ZNF607: variants seen among roughly 807,000 people sequenced by gnomAD.
ZNF607 encodes zinc finger protein 607.
A neutral mutation model predicts 12.8 loss-of-function variants in ZNF607; 5 were observed. The observed-to-expected ratio is 0.39, with a 90% confidence interval of 0.20 to 0.82. The LOEUF (loss-of-function observed/expected upper bound fraction) is 0.82. Among genes scored for constraint, ZNF607 ranks in the 40% least tolerant of loss-of-function variants. ZNF607 has a pLI of 0.39. For missense variants in ZNF607, 851 were observed against 859.2 expected (o/e 0.99, Z 0.12); for synonymous variants, 287 against 276.2 (o/e 1.04, Z -0.39).
intron 1 of ZNF607, among the ~76,000 whole-genome samples, chr19:37,717,774 C>G (rs937162244): frequency 7.0e-6 from 1 of 142,960 alleles, no homozygotes; most frequent in African/African-American, 2.6e-5. Context: ...CCATTGCACT[C>G]CAGCCTGGGC....
In ZNF607 at chr19:37,716,531, C is replaced by T. The variant is rs530412552; in HGVS notation, c.-75+2738G>A. On this transcript the variant is annotated intron_variant, in intron 1 of 4. Coordinates refer to ENST00000355202, the MANE Select transcript of ZNF607 (RefSeq NM_032689.5). ...TGTCTCATCATACTGGTTTTATATC[C>T]ATGGTTGGGTTAGATTCCTTTTTCT... is the stretch of plus-strand genomic sequence containing the variant. Among the ~76,000 whole-genome samples, 18 of 152,252 alleles carry T rather than the reference C, an allele frequency of 1.2e-4. No individual in the cohort carries two copies. In the South Asian group the frequency reaches 2.3e-3, roughly 19 times the overall value.
At chr19:37,700,931 T>C (rs1307105096) in intron 4 of ZNF607, among the ~76,000 whole-genome samples, 3 of 152,126 alleles carry the variant, frequency 2.0e-5, no homozygotes, top group South Asian at 4.1e-4. Flanking sequence ...AGAGTATATA[T>C]ACATATTTTG....
In ZNF607 at chr19:37,696,499, C is replaced by T; in HGVS notation, c.*1541G>A. On this transcript the variant is annotated 3_prime_UTR_variant, in exon 5 of 5. Transcript: ENST00000355202. ...TCTGAAGTGATTTTACCTTTACTTC[C>T]TTCACTTTAAGCCAATCATGAAATT... 1.3e-5 allele frequency: 5 copies of T among 374,200 alleles called. No individual in the cohort carries two copies. The highest frequency in any genetic ancestry group is 7.8e-4 in the Middle Eastern group (1 of 1,284). 23.2% of individuals were successfully genotyped at this position (374,200 alleles called of 1,614,324 possible).
In ZNF607 at chr19:37,697,723, T is replaced by A. The variant is rs2044988776; in HGVS notation, c.*317A>T. ...TTACATGCAAGTATAAAGAATGGTT[T>A]CCTACGTTTTCTCAGTTTTCCTCTA... On this transcript the variant is annotated 3_prime_UTR_variant, in exon 5 of 5. Transcript: ENST00000355202. 1 of 309,322 alleles carries A rather than the reference T, an allele frequency of 3.2e-6. No individual in the cohort carries two copies. Among genetic ancestry groups the A allele is most frequent in the Admixed American group, 4.6e-5 (1 of 21,770 alleles). The allele number at this position is 309,322 out of a possible 1,614,324, so 19.2% of individuals were successfully genotyped here.
In ZNF607 at chr19:37,699,672, A is replaced by G. The variant is rs1343419634; in HGVS notation, c.459T>C (p.His153=). The change falls in exon 5 of 5, where the codon CAT becomes CAC. Residue 153 remains histidine, a synonymous_variant. Transcript: ENST00000355202. ...TCTGATGCTTTCTAAGGTCTGTAAG[A>G]TGGCTAAATGCCTTCCTAAACTTTT... ...QCEKFRKAFS[H]LTDLRKHQKI... is the part of the protein sequence containing the mutation. 2 of 1,614,114 alleles carry G rather than the reference A, an allele frequency of 1.2e-6. No homozygotes were observed. Among genetic ancestry groups the G allele is most frequent in the Non-Finnish European group, 1.7e-6 (2 of 1,180,004 alleles).
chr19:37,698,250 G>C lies in ZNF607; in HGVS notation c.1881C>G (p.His627Gln). 6.2e-7 allele frequency: 1 copy of C among 1,614,082 alleles called. No individual in the cohort carries two copies. The highest frequency in any genetic ancestry group is 1.3e-5 in the African/African-American group (1 of 75,028). The change falls in exon 5 of 5, where the codon CAC becomes CAG. Residue 627 changes from histidine (H) to glutamine (Q), a missense_variant. His to Gln is a conservative substitution (Grantham distance 24). Transcript: ENST00000355202. ...CATGTCTAACAAGATATGAGGCACAGTGAAATGCCTTCCCACATCTTTTAC... is the reference window on the plus strand; with the variant it reads ...CATGTCTAACAAGATATGAGGCACACTGAAATGCCTTCCCACATCTTTTAC... ...YECKRCGKAF[H>Q]CASYLVRHES...
At chr19:37,708,422 C>T (rs1568406221) in intron 3 of ZNF607, among the ~76,000 whole-genome samples, 1 of 151,816 alleles carries the variant, frequency 6.6e-6, no homozygotes, top group Non-Finnish European at 1.5e-5. Flanking sequence ...TCTCGAACTC[C>T]TGACCTTGTG....
rs1447492123 is a variant in ZNF607, at chr19:37,697,808, TA to T, written c.*231del. The T allele has an allele frequency of 2.5e-6, 1 of 400,574 alleles. No individual in the cohort carries two copies. Among genetic ancestry groups the T allele is most frequent in the Non-Finnish European group, 4.4e-6 (1 of 227,816 alleles). 24.8% of individuals were successfully genotyped at this position (400,574 alleles called of 1,614,324 possible). On this transcript the variant is annotated 3_prime_UTR_variant, in exon 5 of 5. Coordinates refer to ENST00000355202, the MANE Select transcript of ZNF607 (RefSeq NM_032689.5). ...TATCAGAAAAGTTTTCTTATGTTAT[TA>T]AAAAAATACATTATAAATTCTCTGA...
In ZNF607 at chr19:37,698,833, C is replaced by A. The variant is rs2385006; in HGVS notation, c.1298G>T (p.Arg433Leu). 2.9e-5 allele frequency: 46 copies of A among 1,611,760 alleles called. No individual in the cohort carries two copies. In the Admixed American group the frequency reaches 5.5e-4, roughly 19 times the overall value. ...CKECGKAFSQ[R>L]AHLAHHNRIH... is the part of the protein sequence containing the mutation. ...TCTGTTATGATGGGCAAGGTGTGCA[C>A]GCTGACTGAAGGCCTTCCCACATTC... The change falls in exon 5 of 5, where the codon CGT becomes CTT. Residue 433 changes from arginine (R) to leucine (L), a missense_variant. By Grantham distance (102) the Arg-to-Leu change is moderately radical (BLOSUM62 -2). Coordinates refer to ENST00000355202, the MANE Select transcript of ZNF607 (RefSeq NM_032689.5).
Position 37,697,079 on chromosome 19 carries a change from G to A in ZNF607, c.*961C>T. ...ACTCATCGTAGTCCTCTCCAATGCT[G>A]GTGAAGATGCGAGGAAGCTGGCTAG... On this transcript the variant is annotated 3_prime_UTR_variant, in exon 5 of 5. Transcript: ENST00000355202. 1.3e-6 allele frequency: 1 copy of A among 743,568 alleles called. No individual in the cohort carries two copies. Among genetic ancestry groups the A allele is most frequent in the Non-Finnish European group, 2.5e-6 (1 of 396,688 alleles). The allele number at this position is 743,568 out of a possible 1,614,324, so 46.1% of individuals were successfully genotyped here. A position where few individuals can be genotyped will look rare whatever the true frequency, so the allele number is the denominator to read the frequency against.
intron 1 of ZNF607, 43 bp downstream of exon 1, chr19:37,719,226 G>C (rs2045203020): frequency 6.5e-6 from 1 of 153,154 alleles, no homozygotes; most frequent in Admixed American, 6.5e-5. Flanking sequence ...CTTTACAAAG[G>C]ACACACACGG....
intron 4 of ZNF607, among the ~76,000 whole-genome samples, chr19:37,703,334 A>C (rs1168022556): frequency 6.6e-6 from 1 of 152,142 alleles, no homozygotes; most frequent in Admixed American, 6.6e-5. Context: ...AACTAAATAG[A>C]GAAAAAAAGT....
rs143169254 is a variant in ZNF607 at position 37,699,214 on chromosome 19, T to C, written c.917A>G (p.Glu306Gly). The C allele has an allele frequency of 2.5e-6, 4 of 1,614,026 alleles. No individual in the cohort carries two copies. In the African/African-American group the frequency reaches 4.0e-5, roughly 16 times the overall value. The change falls in exon 5 of 5, where the codon GAA becomes GGA. Residue 306 changes from glutamate to glycine, a missense_variant. By Grantham distance (98) the Glu-to-Gly change is moderately conservative. Transcript: ENST00000355202. ...GCATTCCTTGCATTCATAGGGTTTT[T>C]CTCCAGTATGAATTCTTTTATGACC... Reference protein sequence around the residue: ...LVGHKRIHTGEKPYECKECGK... With the variant: ...LVGHKRIHTGGKPYECKECGK...
chr19:37,711,673 A>G lies in ZNF607; in HGVS notation c.-55T>C, dbSNP rs1293747119. ...CTTGGCGTTTCTCTACCAGAAGAGC[A>G]AAGTCAAAAGAACCAAGACCTGAAA... is the stretch of plus-strand genomic sequence containing the variant. On this transcript the variant is annotated 5_prime_UTR_variant, in exon 2 of 5. Coordinates refer to ENST00000355202, the MANE Select transcript of ZNF607 (RefSeq NM_032689.5). The G allele has an allele frequency of 5.0e-6, 8 of 1,595,192 alleles. No individual in the cohort carries two copies. The highest frequency in any genetic ancestry group is 1.7e-4 in the Middle Eastern group (1 of 6,024).
chr19:37,703,168 C>T (rs910827752), intron 4 of ZNF607, among the ~76,000 whole-genome samples: 9 of 151,318 alleles, frequency 5.9e-5, no homozygotes, highest in African/African-American at 1.9e-4. Context: ...AGGCTGGTCT[C>T]GAACTCCTGA....
At chr19:37,712,796 A>G (rs1300872367) in intron 1 of ZNF607, among the ~76,000 whole-genome samples, 1 of 152,070 alleles carries the variant, frequency 6.6e-6, no homozygotes, top group Non-Finnish European at 1.5e-5. Flanking sequence ...CAACAAAATT[A>G]TTTTTTCTCT....
At position 37,698,495 on chromosome 19, in the gene ZNF607, A is replaced by G. The variant is rs2045000653; in HGVS notation, c.1636T>C (p.Ser546Pro). ...NKCGKSFRFI[S>P]VLKAHQNIHS... ...ATATTCTGATGGGCTTTAAGTACAG[A>G]AATGAACCTAAAAGACTTCCCGCAT... The change falls in exon 5 of 5, where the codon TCT (serine) becomes CCT (proline). Residue 546 changes from serine (S) to proline (P), a missense_variant. Coordinates refer to ENST00000355202, the MANE Select transcript of ZNF607 (RefSeq NM_032689.5). 2 of 1,613,914 alleles carry G rather than the reference A, an allele frequency of 1.2e-6. No homozygotes were observed. The highest frequency in any genetic ancestry group is 2.2e-5 in the South Asian group (2 of 91,082).
chr19:37,715,279 C>A (rs1161907682), intron 1 of ZNF607, among the ~76,000 whole-genome samples: 3 of 151,540 alleles, frequency 2.0e-5, no homozygotes, highest in African/African-American at 7.3e-5. Flanking sequence ...AATTTCATGG[C>A]CCACCTTTAA....
At chr19:37,708,855 A>G (rs2045108604) in intron 3 of ZNF607, among the ~76,000 whole-genome samples, 1 of 151,974 alleles carries the variant, frequency 6.6e-6, no homozygotes, top group South Asian at 2.1e-4. Flanking sequence ...AAAAAAAAAA[A>G]AAAAAAAGCC....
Sources: allele counts gnomAD v4.1 joint callset (sites outside exome capture counted in the v4.1 genomes callset), GRCh38; gene constraint gnomAD v4.1.1; transcripts MANE v1.5; gene names NCBI Gene and HGNC (gene_info 2026-07-23, HGNC 2026-07-21).